CUX1: variants seen among roughly 807,000 people sequenced by gnomAD.
CUX1 encodes protein CASP.
Under a neutral mutation model 158.8 loss-of-function variants are expected in CUX1, and 31 were observed. The observed-to-expected ratio is 0.20, with a 90% confidence interval of 0.15 to 0.26. CUX1 has a LOEUF of 0.26. Ranked by LOEUF, CUX1 falls within the 10% of genes least tolerant of loss-of-function variation. The probability of loss-of-function intolerance (pLI) is 1.00; values close to 1 mark genes in which losing one functional copy is unlikely to be tolerated. For missense variants in CUX1, 1,589 were observed against 2,014.6 expected, an observed-to-expected ratio of 0.79 and a Z score of 4.04; for synonymous variants, 879 against 862.1, an observed-to-expected ratio of 1.02 and a Z score of -0.34.
At position 102,265,542 on chromosome 7, in the gene CUX1, A is replaced by G. The variant is rs942323768; in HGVS notation, c.1256-7824A>G. On this transcript the variant is annotated intron_variant, in intron 14 of 22. Coordinates refer to the CUX1 transcript ENST00000292538. Reference sequence around the variant, plus strand: ...AGCCTTGACCTCCTGGGCTCAAGCAATCCTCCTGCCTCAGCCTCCCAAGTA... The same window carrying G: ...AGCCTTGACCTCCTGGGCTCAAGCAGTCCTCCTGCCTCAGCCTCCCAAGTA... Among the ~76,000 whole-genome samples the G allele has an allele frequency of 4.0e-5, 6 of 151,612 alleles. No individual in the cohort carries two copies. In the East Asian group the frequency reaches 5.9e-4, roughly 15 times the overall value.
At chr7:101,961,735 G>A (rs1404822068) in intron 2 of CUX1, 2 of 152,060 alleles carry the variant, frequency 1.3e-5, no homozygotes, top group Non-Finnish European at 2.9e-5. Flanking sequence ...TAAAAATCAG[G>A]CGTGGTGGCA....
intron 2 of CUX1, among the ~76,000 whole-genome samples, chr7:101,992,566 A>C (rs1433460693): frequency 6.6e-6 from 1 of 152,152 alleles, no homozygotes; most frequent in Non-Finnish European, 1.5e-5. Flanking sequence ...GGGTCAGTAC[A>C]TGTTTGTAAG....
chr7:102,257,829 G>A lies in CUX1; in HGVS notation c.*8787G>A. On this transcript the variant is annotated 3_prime_UTR_variant, in exon 24 of 24. Transcript: ENST00000292535. ...TTGTTTGTTCATCCTCACAATCACAGATTTTTTTCTCCAATCCTCACAGAG... is the reference window on the plus strand; with the variant it reads ...TTGTTTGTTCATCCTCACAATCACAAATTTTTTTCTCCAATCCTCACAGAG... The A allele has an allele frequency of 1.0e-6, 1 of 979,906 alleles. No individual in the cohort carries two copies. The highest frequency in any genetic ancestry group is 4.7e-5 in the South Asian group (1 of 21,120). The allele number at this position is 979,906 out of a possible 1,614,324, so 60.7% of individuals were successfully genotyped here.
intron 20 of CUX1, among the ~76,000 whole-genome samples, chr7:102,210,826 G>A (rs554017457): frequency 6.6e-6 from 1 of 152,268 alleles, no homozygotes; most frequent in East Asian, 1.9e-4. Context: ...GAAGCCCACG[G>A]GGCCGTGGGC....
At chr7:101,903,805 A>G (rs1331506163) in intron 1 of CUX1, among the ~76,000 whole-genome samples, 1 of 152,180 alleles carries the variant, frequency 6.6e-6, no homozygotes, top group Non-Finnish European at 1.5e-5. Flanking sequence ...TCATCTTCGC[A>G]GAGTGGGTTT....
intron 6 of CUX1, among the ~76,000 whole-genome samples, chr7:102,108,736 T>TTTTGTGTGTGTGTGTGTGTGTGTG (rs10529873): frequency 6.3e-4 from 92 of 145,058 alleles, no homozygotes; most frequent in African/African-American, 2.4e-3. Context: ...TTCATTCATT[T>TTTTGTGTGTGTGTGTGTGTGTGTG]TGTGTGTGTG....
intron 8 of CUX1, among the ~76,000 whole-genome samples, chr7:102,150,937 A>T (rs1487316070): frequency 6.6e-6 from 1 of 152,226 alleles, no homozygotes; most frequent in Non-Finnish European, 1.5e-5. Flanking sequence ...TTTTATAATA[A>T]ATCATTTTGC....
intron 3 of CUX1, among the ~76,000 whole-genome samples, chr7:102,033,757 TAGAA>T (rs1241637663): frequency 1.3e-5 from 2 of 152,120 alleles, no homozygotes; most frequent in Non-Finnish European, 1.5e-5. Flanking sequence ...CTTCAGAAAA[TAGAA>T]AGAGCGAGCA....
rs1246395917 is a variant in CUX1, at chr7:102,084,528, A to G, written c.269-12836A>G. Among the ~76,000 whole-genome samples the G allele has an allele frequency of 4.3e-5, 6 of 138,658 alleles. 1 individual carries two copies. The highest frequency in any genetic ancestry group is 2.3e-4 in the South Asian group (1 of 4,334). 91.0% of individuals were successfully genotyped at this position (138,658 alleles called of 152,430 possible). ...AACCTCCGCCTTCTGGGTTTAAGCAATTCCCTGCCTCAGCCTCCCAAGTAG... is the reference window on the plus strand; with the variant it reads ...AACCTCCGCCTTCTGGGTTTAAGCAGTTCCCTGCCTCAGCCTCCCAAGTAG... On this transcript the variant is annotated intron_variant, in intron 4 of 23. Transcript: ENST00000292535.
Position 102,201,704 on chromosome 7 carries a change from G to T in CUX1, c.2407G>T (p.Ala803Ser). 6.2e-7 allele frequency: 1 copy of T among 1,612,584 alleles called. No individual in the cohort carries two copies. The highest frequency in any genetic ancestry group is 2.2e-5 in the East Asian group (1 of 44,880). The change falls in exon 18 of 24, where the codon GCA becomes TCA. Residue 803 changes from alanine (A) to serine (S), a missense_variant. Transcript: ENST00000292535. The surrounding 1 kb of genome is among the most constrained non-coding windows in gnomAD (Gnocchi z 5.0). ...GLDPQGAADC[A>S]QGVLRQVKNE... Reference sequence around the variant, plus strand: ...GGACCCCCAGGGAGCAGCCGATTGTGCACAAGGGGTCCTGAGACAGGTGAA... The same window carrying T: ...GGACCCCCAGGGAGCAGCCGATTGTTCACAAGGGGTCCTGAGACAGGTGAA...
intron 1 of CUX1, among the ~76,000 whole-genome samples, chr7:101,846,558 G>C (rs764644521): frequency 2.0e-5 from 3 of 151,972 alleles, no homozygotes; most frequent in Non-Finnish European, 4.4e-5. Context: ...GAACTCTTTG[G>C]CCTCAGCGAT....
chr7:102,213,307 CT>C (rs1796734030), intron 20 of CUX1, among the ~76,000 whole-genome samples: 4 of 152,222 alleles, frequency 2.6e-5, no homozygotes, highest in Admixed American at 1.3e-4. Flanking sequence ...CTATTCCATC[CT>C]TGGAAGTTGC....
In CUX1 at chr7:101,843,068, G is replaced by A. The variant is rs866294595; in HGVS notation, c.30+25399G>A. ...TTTTTAGTACAGACGGAGTTTCACC[G>A]TGTTAGCCAGGATGGTCTCGATCTC... On this transcript the variant is annotated intron_variant, in intron 1 of 23. Transcript: ENST00000292535. 5.3e-5 allele frequency among the ~76,000 whole-genome samples: 8 copies of A among 151,486 alleles called. 1 individual carries two copies. The highest frequency in any genetic ancestry group is 4.0e-4 in the Admixed American group (6 of 15,188).
intron 2 of CUX1, among the ~76,000 whole-genome samples, chr7:101,928,844 G>A (rs916992910): frequency 6.0e-5 from 9 of 149,130 alleles, no homozygotes; most frequent in Non-Finnish European, 1.2e-4. Context: ...CTAATTTTTT[G>A]TATTTTTAGT....
At chr7:102,121,722 C>T (rs201509) in intron 8 of CUX1, among the ~76,000 whole-genome samples, 94,367 of 152,006 alleles carry the variant, frequency 0.62, 30,984 homozygotes, top group African/African-American at 0.79. Flanking sequence ...CCTGAAGTCA[C>T]TGGGGCAGCT....
At chr7:101,956,039 G>T (rs528582567) in intron 2 of CUX1, among the ~76,000 whole-genome samples, 2 of 151,590 alleles carry the variant, frequency 1.3e-5, no homozygotes, top group Admixed American at 6.6e-5. Context: ...AAAATTAGCC[G>T]GGTGAGGTGG....
Position 102,251,974 on chromosome 7 carries a change from CTT to C in CUX1, c.*2935_*2936del, listed in dbSNP as rs1801565380. On this transcript the variant is annotated 3_prime_UTR_variant, in exon 24 of 24. Transcript: ENST00000292535. ...AATTTAGTCATATGTGTTGTTTTCT[CTT>C]TTCTGTTTTTACTTCTTAGATTTTT... is the stretch of plus-strand genomic sequence containing the variant. 1.0e-6 allele frequency: 1 copy of C among 985,174 alleles called. No individual in the cohort carries two copies. The allele number at this position is 985,174 out of a possible 1,614,324, so 61.0% of individuals were successfully genotyped here.
intron 1 of CUX1, among the ~76,000 whole-genome samples, chr7:101,914,375 C>T (rs1441888375): frequency 2.9e-5 from 3 of 102,554 alleles, no homozygotes; most frequent in East Asian, 1.6e-3. Flanking sequence ...TCCTTCCCTC[C>T]CTCCCTCCCT....
At chr7:102,242,212 T>C (rs1586404506) in intron 23 of CUX1, among the ~76,000 whole-genome samples, 1 of 144,326 alleles carries the variant, frequency 6.9e-6, no homozygotes, top group African/African-American at 2.5e-5. Flanking sequence ...TTTCTTTTTT[T>C]TTTTTTTTTT....
Sources: gnomAD v4.1 joint callset for allele counts (sites outside exome capture counted in the v4.1 genomes callset) on GRCh38, gnomAD v4.1.1 for gene constraint, Gnocchi (gnomAD v3.1) non-coding constraint, MANE v1.5 for transcripts, NCBI Gene and HGNC (gene_info 2026-07-23, HGNC 2026-07-21) for gene names.